The following EIF2S2 variants were observed in gnomAD, a reference collection of about 807,000 sequenced individuals.
EIF2S2 encodes the protein eukaryotic translation initiation factor 2 subunit beta.
A neutral mutation model predicts 44.0 loss-of-function variants in EIF2S2; 4 were observed. The ratio of observed to expected loss-of-function variants is 0.09; its 90% CI spans 0.04 to 0.21. EIF2S2 has a LOEUF of 0.21. Among genes scored for constraint, EIF2S2 ranks in the 10% least tolerant of loss-of-function variants. EIF2S2 has a pLI of 1.00. For synonymous variants in EIF2S2, 108 were observed against 128.3 expected, an observed-to-expected ratio of 0.84 and a Z score of 1.07; for missense variants, 154 against 392.0, an observed-to-expected ratio of 0.39 and a Z score of 5.13.
chr20:34,100,540 T>A (rs1453414150), intron 3 of EIF2S2, among the ~76,000 whole-genome samples: 1 of 152,164 alleles, frequency 6.6e-6, no homozygotes, highest in East Asian at 1.9e-4. Context: ...ACTGGGACAA[T>A]GGCTACAGTC....
chr20:34,089,937 G>A (rs758639385), intron 8 of EIF2S2, 32 bp from the exon 9 acceptor site: 1 of 1,611,026 alleles, frequency 6.2e-7, no homozygotes, highest in Non-Finnish European at 8.5e-7. Flanking sequence ...GAATTACCTG[G>A]TGGCTGCAGT....
intron 3 of EIF2S2, among the ~76,000 whole-genome samples, chr20:34,102,135 T>C (rs1460059539): frequency 1.3e-5 from 2 of 152,140 alleles, no homozygotes; most frequent in Admixed American, 6.5e-5. Flanking sequence ...CCTTCAAAAA[T>C]AGTATTCAAG....
chr20:34,097,068 T>C (rs1363386481), intron 5 of EIF2S2, among the ~76,000 whole-genome samples: 2 of 152,216 alleles, frequency 1.3e-5, no homozygotes, highest in South Asian at 2.1e-4. Context: ...AAGTACATGA[T>C]ACATGGAAAA....
At chr20:34,110,927 T>G (rs1252365329) in intron 1 of EIF2S2, among the ~76,000 whole-genome samples, 1 of 152,246 alleles carries the variant, frequency 6.6e-6, no homozygotes, top group Non-Finnish European at 1.5e-5. Flanking sequence ...CTAGTCAATC[T>G]GGAATTCTAC....
intron 8 of EIF2S2, 62 bp downstream of exon 8, chr20:34,090,451 TCCTC>T: frequency 9.9e-7 from 1 of 1,013,186 alleles, no homozygotes; most frequent in East Asian, 2.9e-5. Context: ...AAATGGCTCT[TCCTC>T]TAACACTGCA....
intron 3 of EIF2S2, among the ~76,000 whole-genome samples, chr20:34,101,351 G>A (rs1435197611): frequency 6.6e-6 from 1 of 152,126 alleles, no homozygotes; most frequent in African/African-American, 2.4e-5. Flanking sequence ...GCTGAGGGAC[G>A]CTTGAGCCCA....
chr20:34,099,312 G>A (rs1156308893), intron 3 of EIF2S2, among the ~76,000 whole-genome samples: 1 of 151,534 alleles, frequency 6.6e-6, no homozygotes, highest in African/African-American at 2.4e-5. Flanking sequence ...AGTTGAGATC[G>A]TGCCACCGCA....
chr20:34,092,719 C>T (rs977191429), intron 7 of EIF2S2, among the ~76,000 whole-genome samples: 41 of 152,242 alleles, frequency 2.7e-4, no homozygotes, highest in African/African-American at 9.1e-4. Context: ...ACAGAGCCTA[C>T]GTATCCACCA....
At chr20:34,110,478 G>A (rs1447458826) in intron 1 of EIF2S2, among the ~76,000 whole-genome samples, 1 of 152,266 alleles carries the variant, frequency 6.6e-6, no homozygotes, top group East Asian at 1.9e-4. Flanking sequence ...CTGGTTTCCT[G>A]TAAAATACAG....
intron 1 of EIF2S2, among the ~76,000 whole-genome samples, chr20:34,108,520 A>G (rs934575444): frequency 1.3e-5 from 2 of 152,190 alleles, no homozygotes; most frequent in Non-Finnish European, 2.9e-5. Flanking sequence ...CTTCCAAATT[A>G]TAAGCTGACT....
At chr20:34,095,348 T>C (rs1441943275) in intron 6 of EIF2S2, among the ~76,000 whole-genome samples, 1 of 150,280 alleles carries the variant, frequency 6.7e-6, no homozygotes, top group Non-Finnish European at 1.5e-5. Flanking sequence ...TCTCACACTA[T>C]TGCCCAGGCT....
chr20:34,103,229 C>T (rs1410066330), intron 3 of EIF2S2, among the ~76,000 whole-genome samples: 2 of 152,214 alleles, frequency 1.3e-5, no homozygotes, highest in Admixed American at 6.5e-5. Context: ...CATTTGTGAT[C>T]ATCTTAATGG....
chr20:34,097,591 TGAA>T (rs2034245328), intron 4 of EIF2S2, 75 bp from the exon 5 acceptor site: 3 of 1,203,506 alleles, frequency 2.5e-6, no homozygotes, highest in Non-Finnish European at 2.4e-6. Context: ...TCTAGAGAAA[TGAA>T]GAGTTTCAAA....
chr20:34,109,704 C>G (rs1412930074), intron 1 of EIF2S2, among the ~76,000 whole-genome samples: 1 of 151,628 alleles, frequency 6.6e-6, no homozygotes, highest in African/African-American at 2.4e-5. Context: ...AATCATAGTT[C>G]TACTAGGTTG....
At chr20:34,090,031 C>T (rs1426993378) in intron 8 of EIF2S2, 126 bp from the exon 9 acceptor site, 1 of 1,000,914 alleles carries the variant, frequency 1.0e-6, no homozygotes, top group Non-Finnish European at 1.5e-6. Context: ...GGCACCCAGA[C>T]CAGGGAAGCG....
intron 3 of EIF2S2, among the ~76,000 whole-genome samples, chr20:34,100,504 CTAT>C (rs749387708): frequency 6.6e-6 from 1 of 152,186 alleles, no homozygotes; most frequent in Non-Finnish European, 1.5e-5. Flanking sequence ...TAATTAGTAT[CTAT>C]TTTGTGTGTG....
At chr20:34,100,250 G>A (rs2122417312) in intron 3 of EIF2S2, among the ~76,000 whole-genome samples, 1 of 152,254 alleles carries the variant, frequency 6.6e-6, no homozygotes, top group East Asian at 1.9e-4. Flanking sequence ...CCTGACCTCA[G>A]GTGATCCACC....
At chr20:34,109,376 C>G (rs1340725935) in intron 1 of EIF2S2, among the ~76,000 whole-genome samples, 1 of 152,068 alleles carries the variant, frequency 6.6e-6, no homozygotes, top group Non-Finnish European at 1.5e-5. Context: ...AGGTAGCAGC[C>G]ATATTTCTAG....
intron 3 of EIF2S2, among the ~76,000 whole-genome samples, chr20:34,099,361 GAA>G (rs535946701): frequency 9.0e-6 from 1 of 110,824 alleles, no homozygotes; most frequent in African/African-American, 3.3e-5. Flanking sequence ...CTGTCTCAAA[GAA>G]AAAAAAAAAA....
Sources: allele counts gnomAD v4.1 joint callset (sites outside exome capture counted in the v4.1 genomes callset), GRCh38; gene constraint gnomAD v4.1.1; transcripts MANE v1.5; gene names NCBI Gene and HGNC (gene_info 2026-07-23, HGNC 2026-07-21).